Variants in LAMA1 observed in about 807,000 individuals in gnomAD.
LAMA1 encodes laminin subunit alpha 1.
LAMA1 carries 219 observed loss-of-function variants against 348.7 expected under a neutral mutation model. That is an observed-to-expected ratio of 0.63 (90% CI 0.56 to 0.70). LAMA1 has a LOEUF of 0.70. LAMA1 is among the 30% of genes least tolerant of loss of function. The probability of loss-of-function intolerance (pLI) is 0.00; values close to 1 mark genes in which losing one functional copy is unlikely to be tolerated. For missense variants in LAMA1, 3,744 were observed against 3,888.0 expected, an observed-to-expected ratio of 0.96 and a Z score of 0.99; for synonymous variants, 1,487 against 1,491.0, an observed-to-expected ratio of 1.00 and a Z score of 0.06.
chr18:7,083,836 C>T lies in LAMA1; in HGVS notation c.62-3379G>A, dbSNP rs143604208. ...CTGTAATCCCAGCACTTCGGGAGGC[C>T]GAGGCGGGCGGATCACTTGAGGTCA... On this transcript the variant is annotated intron_variant, in intron 1 of 62. Transcript: ENST00000389658. Among the ~76,000 whole-genome samples, 12 of 151,928 alleles carry T rather than the reference C, an allele frequency of 7.9e-5. No individual in the cohort carries two copies. The East Asian group carries it at 2.0e-3, about 25-fold the overall frequency.
chr18:7,114,170 T>C (rs528171434), intron 1 of LAMA1, among the ~76,000 whole-genome samples: 86 of 151,120 alleles, frequency 5.7e-4, no homozygotes, highest in Non-Finnish European at 9.0e-4. Context: ...ATTTCAGCAA[T>C]GAAAGAGAGA....
At chr18:7,102,791 T>C (rs2143822690) in intron 1 of LAMA1, among the ~76,000 whole-genome samples, 1 of 152,328 alleles carries the variant, frequency 6.6e-6, no homozygotes, top group East Asian at 1.9e-4. Flanking sequence ...GTTGACTATG[T>C]GTGTTAATGA....
At position 7,036,101 on chromosome 18, in the gene LAMA1, A is replaced by G. The variant is rs1211258030; in HGVS notation, c.1738-13T>C. On this transcript the variant is annotated splice_polypyrimidine_tract_variant and intron_variant, in intron 12 of 62. Transcript: ENST00000389658. ...CAAACGCAGTCAGCTGAAATGTTTAAGCGAGAATGAACACGAAAGGGGAAG... is the reference window on the plus strand; with the variant it reads ...CAAACGCAGTCAGCTGAAATGTTTAGGCGAGAATGAACACGAAAGGGGAAG... 1 of 1,588,416 alleles carries G rather than the reference A, an allele frequency of 6.3e-7. No homozygotes were observed. The highest frequency in any genetic ancestry group is 1.1e-5 in the South Asian group (1 of 90,542).
Position 6,949,198 on chromosome 18 carries a change from A to G in LAMA1, c.8459T>C (p.Met2820Thr). The G allele has an allele frequency of 6.2e-7, 1 of 1,614,078 alleles. No individual in the cohort carries two copies. Among genetic ancestry groups the G allele is most frequent in the South Asian group, 1.1e-5 (1 of 91,082 alleles). The change falls in exon 59 of 63, where the codon ATG becomes ACG. Residue 2820 changes from methionine (M) to threonine (T), a missense_variant. Met to Thr is a moderately conservative substitution (Grantham distance 81, BLOSUM62 -1). Transcript: ENST00000389658. ...FITVDGRESPMVTVVGDGTML... is the reference protein window; with the variant it reads ...FITVDGRESPTVTVVGDGTML... Reference sequence around the variant, plus strand: ...GGTTCCATCTCCCACCACAGTCACCATGGGAGACTCTCGGCCGTCGACAGT... The same window carrying G: ...GGTTCCATCTCCCACCACAGTCACCGTGGGAGACTCTCGGCCGTCGACAGT...
chr18:7,015,803 G>C lies in LAMA1; in HGVS notation c.3045C>G (p.Val1015=). ...NTCDPETGEC[V]CPPHTQGVKC... Reference sequence around the variant, plus strand: ...TCACACCCTGTGTGTGAGGGGGGCAGACACACTCTCCAGTTTCTGGGTCGC... The same window carrying C: ...TCACACCCTGTGTGTGAGGGGGGCACACACACTCTCCAGTTTCTGGGTCGC... Residue 1015 remains valine, a synonymous_variant, in exon 22 of 63, where the codon GTC becomes GTG. Transcript: ENST00000389658. 1 of 1,614,122 alleles carries C rather than the reference G, an allele frequency of 6.2e-7. No homozygotes were observed.
chr18:6,956,044 T>C, intron 56 of LAMA1: 2 of 296,954 alleles, frequency 6.7e-6, no homozygotes, highest in Non-Finnish European at 1.3e-5. Flanking sequence ...TGTTTTCTGC[T>C]TCAGCACAGG....
chr18:6,986,420 A>C, intron 36 of LAMA1, 73 bp from the exon 37 acceptor site: 1 of 1,422,460 alleles, frequency 7.0e-7, no homozygotes, highest in Non-Finnish European at 9.8e-7. Flanking sequence ...AATAGTGGAA[A>C]AAATTTTTAC....
At chr18:7,043,493 AT>A in intron 7 of LAMA1, 88 bp from the exon 8 acceptor site, 1 of 1,058,562 alleles carries the variant, frequency 9.4e-7, no homozygotes, top group Non-Finnish European at 1.4e-6. Flanking sequence ...AAGTTCTATG[AT>A]TTTAGATTAA....
Position 7,046,250 on chromosome 18 carries a change from T to C in LAMA1, c.858+28A>G, listed in dbSNP as rs778854912. 9.7e-6 allele frequency: 14 copies of C among 1,436,540 alleles called. No homozygotes were observed. The East Asian group carries it at 1.6e-4, about 16-fold the overall frequency. 89.0% of individuals were successfully genotyped at this position (1,436,540 alleles called of 1,614,324 possible). A position where few individuals can be genotyped will look rare whatever the true frequency, so the allele number is the denominator to read the frequency against. Reference sequence around the variant, plus strand: ...AGCTACAATTTCTGTTTTGAAGTTTTAGTAAAATGTGAAATACTAGAACTC... The same window carrying C: ...AGCTACAATTTCTGTTTTGAAGTTTCAGTAAAATGTGAAATACTAGAACTC... On this transcript the variant is annotated intron_variant, in intron 6 of 62. Coordinates refer to ENST00000389658, the MANE Select transcript of LAMA1 (RefSeq NM_005559.4).
chr18:7,005,120 A>C (rs1015279008), intron 29 of LAMA1, among the ~76,000 whole-genome samples: 12 of 152,322 alleles, frequency 7.9e-5, no homozygotes, highest in African/African-American at 2.6e-4. Context: ...CGACCACTCC[A>C]TCTGGCCTCC....
chr18:6,961,964 C>T lies in LAMA1; in HGVS notation c.7433G>A (p.Arg2478Lys). ...FDLLRNSYGV[R>K]KGCLLEPIRS... ...TCCTACCTCCAGTAAACAGCCTTTTCTCACTCCATAGGAATTTCTGAGTAA... is the reference window on the plus strand; with the variant it reads ...TCCTACCTCCAGTAAACAGCCTTTTTTCACTCCATAGGAATTTCTGAGTAA... Residue 2478 changes from arginine to lysine, a missense_variant, in exon 52 of 63, where the codon AGA becomes AAA. By Grantham distance (26) the Arg-to-Lys change is conservative (BLOSUM62 2). Around this residue, in one of 3 missense-constraint regions of LAMA1, gnomAD observed 1,983 missense variants for 1,934.3 expected, o/e 1.03. Coordinates refer to ENST00000389658, the MANE Select transcript of LAMA1 (RefSeq NM_005559.4). 6.2e-7 allele frequency: 1 copy of T among 1,614,022 alleles called. No individual in the cohort carries two copies. Among genetic ancestry groups the T allele is most frequent in the Non-Finnish European group, 8.5e-7 (1 of 1,179,870 alleles).
rs137905025 is a variant in LAMA1, at chr18:7,011,361, C to T, written c.3626G>A (p.Arg1209Gln). Residue 1209 changes from arginine (R) to glutamine (Q), a missense_variant, in exon 25 of 63, where the codon CGG becomes CAG. Transcript: ENST00000389658. ...PDFLLDAATVRQHIRAEPFYW... is the reference protein window; with the variant it reads ...PDFLLDAATVQQHIRAEPFYW... ...AAACGGCTCTGCACGGATGTGCTGC[C>T]GGACGGTGGCGGCATCCAGCAGGAA... The T allele has an allele frequency of 5.6e-6, 9 of 1,611,730 alleles. No individual in the cohort carries two copies. Among genetic ancestry groups the T allele is most frequent in the African/African-American group, 5.3e-5 (4 of 74,886 alleles).
chr18:7,094,613 C>T (rs2045781), intron 1 of LAMA1, among the ~76,000 whole-genome samples: 137,744 of 151,990 alleles, frequency 0.91, 62,501 homozygotes, highest in African/African-American at 0.94. Flanking sequence ...CACTCTTCAT[C>T]CAAGTCTTGG....
chr18:6,958,839 C>T (rs2057593366), intron 54 of LAMA1, among the ~76,000 whole-genome samples, 177 bp from the exon 55 acceptor site: 2 of 152,126 alleles, frequency 1.3e-5, no homozygotes, highest in Non-Finnish European at 2.9e-5. Flanking sequence ...AAACTCACAA[C>T]TGAAGATTTT....
chr18:7,042,191 G>A lies in LAMA1; in HGVS notation c.1215C>T (p.Leu405=), dbSNP rs1184615151. The A allele has an allele frequency of 2.5e-6, 4 of 1,612,854 alleles. No homozygotes were observed. Among genetic ancestry groups the A allele is most frequent in the East Asian group, 2.2e-5 (1 of 44,870 alleles). The change falls in exon 9 of 63, where the codon CTC becomes CTT. Residue 405 remains leucine (L), a synonymous_variant. Transcript: ENST00000389658. ...RPCNCDPVGS[L]SSVCIKDDLH... is the part of the protein sequence containing the mutation. ...GGTCATCCTTAATACAGACAGAACT[G>A]AGGGACCCCACAGGGTCACAATTAC...
At chr18:7,011,883 G>T in intron 24 of LAMA1, 112 bp downstream of exon 24, 1 of 1,302,974 alleles carries the variant, frequency 7.7e-7, no homozygotes, top group Non-Finnish European at 1.1e-6. Flanking sequence ...CTAGAATTTT[G>T]GATGCCATAA....
In LAMA1 at chr18:7,024,308, G is replaced by A. The variant is rs10468764; in HGVS notation, c.2489+72C>T. The A allele has an allele frequency of 8.1e-4, 919 of 1,134,312 alleles. 6 individuals are homozygous for A. The African/African-American group carries it at 0.012, about 15-fold the overall frequency. 70.3% of individuals were successfully genotyped at this position (1,134,312 alleles called of 1,614,324 possible). On this transcript the variant is annotated intron_variant, in intron 18 of 62. Coordinates refer to ENST00000389658, the MANE Select transcript of LAMA1 (RefSeq NM_005559.4). ...AAACTCCAAAACCACACTTAACTAC[G>A]CATTTAAAAATAAACACATAGAATT...
At chr18:7,093,008 C>A (rs571516823) in intron 1 of LAMA1, among the ~76,000 whole-genome samples, 172 of 152,236 alleles carry the variant, frequency 1.1e-3, no homozygotes, top group African/African-American at 4.0e-3. Context: ...TTAAAAAGGA[C>A]GCAAGCAACA....
chr18:7,002,090 A>G (rs2057810101), intron 30 of LAMA1, among the ~76,000 whole-genome samples, 174 bp downstream of exon 30: 1 of 152,234 alleles, frequency 6.6e-6, no homozygotes, highest in African/African-American at 2.4e-5. Context: ...TTTGCTTTTG[A>G]AAAGATTCTC....
Sources: gnomAD v4.1 joint callset for allele counts (sites outside exome capture counted in the v4.1 genomes callset) on GRCh38, gnomAD v4.1.1 for gene constraint, gnomAD v4.1.1 regional missense constraint, MANE v1.5 for transcripts, NCBI Gene and HGNC (gene_info 2026-07-23, HGNC 2026-07-21) for gene names.